Variants in NEDD4L observed in about 807,000 individuals in gnomAD.
The protein encoded by NEDD4L is NEDD4 like E3 ubiquitin protein ligase.
A neutral mutation model predicts 148.9 loss-of-function variants in NEDD4L; 54 were observed. That is an observed-to-expected ratio of 0.36 (90% confidence interval 0.29 to 0.45). The LOEUF is 0.45. NEDD4L is among the 20% of genes least tolerant of loss of function. NEDD4L has a pLI of 1.00. For missense variants in NEDD4L, 856 were observed against 1,233.8 expected (o/e 0.69, Z 4.59); for synonymous variants, 433 against 440.7 (o/e 0.98, Z 0.22).
At chr18:58,379,300 C>T (rs563850899) in intron 24 of NEDD4L, among the ~76,000 whole-genome samples, 8 of 152,206 alleles carry the variant, frequency 5.3e-5, no homozygotes, top group Non-Finnish European at 1.0e-4. Flanking sequence ...GGGGCCAGGG[C>T]GCTGCCGCAG....
At chr18:58,083,693 A>ACAAG (rs1011439527) in intron 1 of NEDD4L, among the ~76,000 whole-genome samples, 31 of 151,704 alleles carry the variant, frequency 2.0e-4, no homozygotes, top group African/African-American at 6.5e-4. Flanking sequence ...ATCTCAAAAA[A>ACAAG]CAAAAAAAAC....
Position 58,203,773 on chromosome 18 carries a change from C to T in NEDD4L, c.122+37912C>T, listed in dbSNP as rs570319658. ...AGTTGATCTCTCAGACAAATTAAGT[C>T]TTGCCAGACTGTCTGAGAAGACTAG... On this transcript the variant is annotated intron_variant, in intron 2 of 30. Transcript: ENST00000400345. Among the ~76,000 whole-genome samples, 72 of 151,590 alleles carry T rather than the reference C, an allele frequency of 4.7e-4. No individual in the cohort carries two copies. In the South Asian group the frequency reaches 5.4e-3, roughly 11 times the overall value.
In NEDD4L at chr18:58,390,717, T is replaced by A; in HGVS notation, c.2727T>A (p.Pro909=). The A allele has an allele frequency of 6.3e-7, 1 of 1,598,332 alleles. No individual in the cohort carries two copies. Among genetic ancestry groups the A allele is most frequent in the Non-Finnish European group, 8.5e-7 (1 of 1,171,538 alleles). ...TTGTCACAGGGACATCGCGAGTACC[T>A]ATGAATGGATTTGCCGAACTTTATG... The part of the protein sequence containing the change: ...LQFVTGTSRV[P]MNGFAELYGS... Residue 909 remains proline (P), a synonymous_variant, in exon 29 of 31, where the codon CCT becomes CCA. Transcript: ENST00000400345.
chr18:58,333,451 C>A (rs971169025), intron 11 of NEDD4L, among the ~76,000 whole-genome samples: 1 of 152,180 alleles, frequency 6.6e-6, no homozygotes, highest in Non-Finnish European at 1.5e-5. Flanking sequence ...ATTCACATCA[C>A]ATTAAAATTT....
chr18:58,189,905 G>A, intron 2 of NEDD4L: 1 of 152,100 alleles, frequency 6.6e-6, no homozygotes, highest in Admixed American at 6.6e-5. Context: ...TTGAATAAGA[G>A]TTTTACGATC....
intron 1 of NEDD4L, among the ~76,000 whole-genome samples, chr18:58,146,815 AT>A (rs1196233559): frequency 6.6e-6 from 1 of 152,182 alleles, no homozygotes; most frequent in East Asian, 1.9e-4. Context: ...GTTTGATTTA[AT>A]GCTCTTTTCT....
At chr18:58,165,928 C>T in intron 2 of NEDD4L, 67 bp downstream of exon 2, 2 of 1,314,042 alleles carry the variant, frequency 1.5e-6, no homozygotes, top group South Asian at 2.5e-5. Context: ...CAAATTCAGG[C>T]ACGCATCAGA....
chr18:58,349,525 T>C lies in NEDD4L; in HGVS notation c.1576-12T>C, dbSNP rs753668675. On this transcript the variant is annotated splice_polypyrimidine_tract_variant and intron_variant, in intron 16 of 30. Transcript: ENST00000400345. Reference sequence around the variant, plus strand: ...CACTTAGCATCTACTGTCTTTTACATTTTTCTTGCAGGAAGATCCACGTTT... The same window carrying C: ...CACTTAGCATCTACTGTCTTTTACACTTTTCTTGCAGGAAGATCCACGTTT... 3.1e-6 allele frequency: 5 copies of C among 1,610,744 alleles called. No homozygotes were observed. The Admixed American group carries it at 8.3e-5, about 27-fold the overall frequency.
At chr18:58,175,170 A>G (rs1787563897) in intron 2 of NEDD4L, among the ~76,000 whole-genome samples, 1 of 152,234 alleles carries the variant, frequency 6.6e-6, no homozygotes, top group South Asian at 2.1e-4. Flanking sequence ...ATTATAATAC[A>G]AATCGAGATT....
intron 2 of NEDD4L, among the ~76,000 whole-genome samples, chr18:58,234,053 CTTTCTTT>C (rs1300480704): frequency 1.3e-5 from 1 of 74,300 alleles, no homozygotes; most frequent in Non-Finnish European, 2.7e-5. Flanking sequence ...CCTTTTCTTT[CTTTCTTT>C]CTTTCTTTCT....
intron 1 of NEDD4L, among the ~76,000 whole-genome samples, chr18:58,120,932 C>A (rs111830452): frequency 4.4e-4 from 66 of 150,618 alleles, no homozygotes; most frequent in African/African-American, 1.5e-3. Flanking sequence ...TGTTTTTATA[C>A]ATTGCAGATA....
intron 1 of NEDD4L, among the ~76,000 whole-genome samples, chr18:58,104,420 C>T (rs1460562996): frequency 3.3e-5 from 5 of 152,084 alleles, no homozygotes; most frequent in Admixed American, 2.0e-4. Context: ...ACCACGCGGA[C>T]GTGGTGGTTG....
At chr18:58,263,660 C>CTTTTTTTTTTT (rs71173041) in intron 5 of NEDD4L, among the ~76,000 whole-genome samples, 2 of 103,706 alleles carry the variant, frequency 1.9e-5, no homozygotes, top group Admixed American at 1.1e-4. Context: ...ACTTCTTAGG[C>CTTTTTTTTTTT]TTTTTTTTTT....
At chr18:58,304,222 GA>G (rs2056815967) in intron 5 of NEDD4L, among the ~76,000 whole-genome samples, 1 of 151,868 alleles carries the variant, frequency 6.6e-6, no homozygotes, top group Non-Finnish European at 1.5e-5. Context: ...ACCCTAGTCA[GA>G]AGTAACATTT....
intron 2 of NEDD4L, among the ~76,000 whole-genome samples, chr18:58,176,517 T>C (rs550936135): frequency 3.3e-4 from 50 of 152,276 alleles, no homozygotes; most frequent in African/African-American, 7.2e-4. Context: ...AAAATTTTTA[T>C]AGAGGTGTTG....
chr18:58,267,627 G>A (rs2050409035), intron 5 of NEDD4L, among the ~76,000 whole-genome samples: 2 of 152,024 alleles, frequency 1.3e-5, no homozygotes, highest in Admixed American at 6.6e-5. Flanking sequence ...TACTTAGCCT[G>A]TCATTTTCAT....
At chr18:58,279,126 C>T (rs1291246138) in intron 5 of NEDD4L, among the ~76,000 whole-genome samples, 1 of 152,166 alleles carries the variant, frequency 6.6e-6, no homozygotes, top group Non-Finnish European at 1.5e-5. Context: ...ATCCGCCCAC[C>T]TTGGCCTCCC....
chr18:58,152,588 C>T (rs1036819712), intron 1 of NEDD4L, among the ~76,000 whole-genome samples: 3 of 152,150 alleles, frequency 2.0e-5, no homozygotes, highest in Admixed American at 2.0e-4. Flanking sequence ...TTGAATAGAA[C>T]ATTGTTAAAT....
chr18:58,125,358 G>GGTGTGTGTGTGTGTGTGTGT (rs34644275), intron 1 of NEDD4L, among the ~76,000 whole-genome samples: 7 of 148,712 alleles, frequency 4.7e-5, no homozygotes, highest in African/African-American at 1.7e-4. Flanking sequence ...CCACCAGGAG[G>GGTGTGTGTGTGTGTGTGTGT]GTGTGTGTGT....
Sources: gnomAD v4.1 joint callset for allele counts (sites outside exome capture counted in the v4.1 genomes callset) on GRCh38, gnomAD v4.1.1 for gene constraint, MANE v1.5 for transcripts, NCBI Gene and HGNC (gene_info 2026-07-23, HGNC 2026-07-21) for gene names.